Variants in SUPT16H observed in about 807,000 individuals in gnomAD.
SUPT16H encodes the protein FACT complex subunit SPT16.
SUPT16H carries 24 observed loss-of-function variants against 136.2 expected under a neutral mutation model. That is an observed-to-expected ratio of 0.18 (90% CI 0.13 to 0.25). SUPT16H has a LOEUF of 0.25. SUPT16H is among the 10% of genes least tolerant of loss of function. SUPT16H has a pLI of 1.00. For missense variants in SUPT16H, 623 were observed against 1,270.2 expected, an observed-to-expected ratio of 0.49 and a Z score of 7.74; for synonymous variants, 415 against 428.2, an observed-to-expected ratio of 0.97 and a Z score of 0.38.
Position 21,369,869 on chromosome 14 carries a change from T to C in SUPT16H, c.511A>G (p.Thr171Ala). The change falls in exon 5 of 26, where the codon ACC becomes GCC. Residue 171 changes from threonine (T) to alanine (A), a missense_variant. Transcript: ENST00000216297. ...TCCCCATCCTCCTTTACAGCGATGG[T>C]ATATGCCACAACTGCACTGATATCT... ...KIDISAVVAY[T>A]IAVKEDGELN... 1 of 1,614,192 alleles carries C rather than the reference T, an allele frequency of 6.2e-7. No individual in the cohort carries two copies. Among genetic ancestry groups the C allele is most frequent in the Middle Eastern group, 1.6e-4 (1 of 6,062 alleles).
chr14:21,354,366 G>A (rs779938808), intron 23 of SUPT16H, 45 bp downstream of exon 23: 43 of 1,603,288 alleles, frequency 2.7e-5, no homozygotes, highest in Non-Finnish European at 3.7e-5. Flanking sequence ...CCAAATGATA[G>A]CGGGCAACAC....
chr14:21,370,004 T>A, intron 4 of SUPT16H, 108 bp from the exon 5 acceptor site: 1 of 1,259,316 alleles, frequency 7.9e-7, no homozygotes, highest in Non-Finnish European at 1.1e-6. Flanking sequence ...TTTAGCAAAC[T>A]ATCACTGGTT....
At chr14:21,355,185 T>C (rs572670362) in intron 22 of SUPT16H, among the ~76,000 whole-genome samples, 9 of 152,192 alleles carry the variant, frequency 5.9e-5, no homozygotes, top group East Asian at 5.8e-4. Flanking sequence ...TTTTTCACTA[T>C]TGTAGTTAAG....
intron 1 of SUPT16H, among the ~76,000 whole-genome samples, chr14:21,379,909 CA>C (rs936553854): frequency 8.6e-6 from 1 of 116,372 alleles, no homozygotes; most frequent in Non-Finnish European, 1.9e-5. Context: ...AACAAACAAA[CA>C]AAAAAACCTT....
At chr14:21,374,142 T>C (rs898967319) in intron 1 of SUPT16H, among the ~76,000 whole-genome samples, 11 of 152,254 alleles carry the variant, frequency 7.2e-5, no homozygotes, top group African/African-American at 2.4e-4. Context: ...TGCCTTCTTT[T>C]TTGGTTCAGC....
intron 1 of SUPT16H, among the ~76,000 whole-genome samples, chr14:21,378,882 TAAATA>T (rs1324165229): frequency 6.6e-6 from 1 of 152,168 alleles, no homozygotes; most frequent in African/African-American, 2.4e-5. Context: ...AAGTGAGAGT[TAAATA>T]AAATATAAAA....
chr14:21,370,588 A>C (rs1205754621), intron 3 of SUPT16H, 100 bp from the exon 4 acceptor site: 1 of 1,322,296 alleles, frequency 7.6e-7, no homozygotes, highest in South Asian at 1.4e-5. Flanking sequence ...CTACGGAAAA[A>C]ATTAATTCTC....
At chr14:21,367,206 C>T (rs755230368) in intron 7 of SUPT16H, among the ~76,000 whole-genome samples, 1 of 152,228 alleles carries the variant, frequency 6.6e-6, no homozygotes, top group Non-Finnish European at 1.5e-5. Context: ...GCCGGGATCA[C>T]AGGCTTGAGC....
chr14:21,377,399 C>A (rs1886926715), intron 1 of SUPT16H, among the ~76,000 whole-genome samples: 1 of 152,130 alleles, frequency 6.6e-6, no homozygotes, highest in Non-Finnish European at 1.5e-5. Context: ...GTCTTTGACG[C>A]CAAATAATGG....
At chr14:21,372,539 G>C in intron 2 of SUPT16H, 1 of 335,258 alleles carries the variant, frequency 3.0e-6, no homozygotes, top group East Asian at 8.5e-5. Context: ...AGTGTGTGGA[G>C]CTTCAAGCAA....
intron 24 of SUPT16H, 26 bp from the exon 25 acceptor site, chr14:21,353,591 G>A: frequency 6.2e-7 from 1 of 1,611,352 alleles, no homozygotes; most frequent in Non-Finnish European, 8.5e-7. Flanking sequence ...TTAAGCGTTA[G>A]TCATCATGCG....
intron 7 of SUPT16H, 59 bp downstream of exon 7, chr14:21,368,210 C>A (rs1391136766): frequency 1.8e-5 from 28 of 1,547,838 alleles, no homozygotes; most frequent in Non-Finnish European, 2.3e-5. Context: ...ACCCACAGCT[C>A]CCGGCCAATG....
chr14:21,358,076 C>A, intron 20 of SUPT16H, 74 bp from the exon 21 acceptor site: 1 of 1,371,548 alleles, frequency 7.3e-7, no homozygotes. Context: ...CAAACTTCTT[C>A]CCTCTCCCCA....
At chr14:21,380,487 A>C (rs1887000464) in intron 1 of SUPT16H, among the ~76,000 whole-genome samples, 1 of 152,018 alleles carries the variant, frequency 6.6e-6, no homozygotes, top group African/African-American at 2.4e-5. Context: ...TTAATAGAAC[A>C]ACCCAGAACA....
chr14:21,354,961 C>A, intron 22 of SUPT16H: 1 of 158,022 alleles, frequency 6.3e-6, no homozygotes, highest in Non-Finnish European at 1.4e-5. Context: ...TCTCCTAGAG[C>A]ACTAGCCCTC....
At chr14:21,355,350 A>G (rs1470915491) in intron 22 of SUPT16H, among the ~76,000 whole-genome samples, 5 of 151,960 alleles carry the variant, frequency 3.3e-5, no homozygotes, top group South Asian at 2.1e-4. Context: ...AAAATTAGCC[A>G]GGCATGGTAG....
chr14:21,372,070 C>T (rs371197315), intron 2 of SUPT16H, 26 bp from the exon 3 acceptor site: 34 of 1,593,132 alleles, frequency 2.1e-5, no homozygotes, highest in South Asian at 4.5e-5. Context: ...ACAGTGACAA[C>T]GGTATTTACA....
chr14:21,358,291 C>T (rs1318500748), intron 20 of SUPT16H, 24 bp downstream of exon 20: 3 of 1,491,296 alleles, frequency 2.0e-6, no homozygotes, highest in Non-Finnish European at 2.8e-6. Flanking sequence ...AGTCAAACTT[C>T]AAGCCAAAAA....
intron 1 of SUPT16H, among the ~76,000 whole-genome samples, chr14:21,377,346 C>T (rs952923600): frequency 1.3e-5 from 2 of 152,156 alleles, no homozygotes; most frequent in African/African-American, 4.8e-5. Flanking sequence ...TGTATGTATA[C>T]TGGAAATAGA....
Sources: allele counts gnomAD v4.1 joint callset (sites outside exome capture counted in the v4.1 genomes callset), GRCh38; gene constraint gnomAD v4.1.1; transcripts MANE v1.5; gene names NCBI Gene and HGNC (gene_info 2026-07-23, HGNC 2026-07-21).